The following UTRN variants were observed in gnomAD, a reference collection of about 807,000 sequenced individuals.
UTRN encodes the protein utrophin.
A neutral mutation model predicts 463.9 loss-of-function variants in UTRN; 283 were observed. The ratio of observed to expected loss-of-function variants is 0.61; its 90% CI spans 0.55 to 0.67. The LOEUF is 0.67. Ranked by LOEUF, UTRN falls within the 30% of genes least tolerant of loss-of-function variation. The pLI is 0.00. For missense variants in UTRN, 3,922 were observed against 4,084.3 expected, an observed-to-expected ratio of 0.96 and a Z score of 1.08; for synonymous variants, 1,442 against 1,431.5, an observed-to-expected ratio of 1.01 and a Z score of -0.17.
intron 61 of UTRN, among the ~76,000 whole-genome samples, chr6:144,786,433 G>A (rs997575050): frequency 1.3e-5 from 2 of 151,972 alleles, no homozygotes; most frequent in Non-Finnish European, 2.9e-5. Flanking sequence ...TTACAGGCAC[G>A]CGCCACCACG....
At chr6:144,459,493 C>G in intron 21 of UTRN, 139 bp downstream of exon 21, 2 of 889,678 alleles carry the variant, frequency 2.2e-6, no homozygotes, top group Non-Finnish European at 3.2e-6. Context: ...TGTTCAAAGT[C>G]TTAAAGTCTT....
rs1782468789 is a variant in UTRN, at chr6:144,851,333, A to C, written c.*336A>C. On this transcript the variant is annotated 3_prime_UTR_variant, in exon 75 of 75. Transcript: ENST00000367545. ...AAGTGGGTGGGGGCTTTCTAATATG[A>C]TACCGTCTTTTTAATAACTATGACA... 3.8e-6 allele frequency: 1 copy of C among 263,848 alleles called. No individual in the cohort carries two copies. The highest frequency in any genetic ancestry group is 4.9e-5 in the Admixed American group (1 of 20,610). The allele number at this position is 263,848 out of a possible 1,614,324, so 16.3% of individuals were successfully genotyped here.
At chr6:144,462,612 A>C in intron 22 of UTRN, 42 bp from the exon 23 acceptor site, 1 of 1,536,820 alleles carries the variant, frequency 6.5e-7, no homozygotes, top group Non-Finnish European at 8.8e-7. Context: ...CTGTGCAGAC[A>C]CATTTTTGTG....
At chr6:144,607,846 C>G (rs962115069) in intron 51 of UTRN, among the ~76,000 whole-genome samples, 4 of 152,154 alleles carry the variant, frequency 2.6e-5, no homozygotes, top group African/African-American at 9.7e-5. Context: ...ATGAAATAAC[C>G]TTGCTTTAGA....
intron 65 of UTRN, among the ~76,000 whole-genome samples, chr6:144,814,681 A>C (rs1418671355): frequency 1.3e-5 from 2 of 152,340 alleles, no homozygotes; most frequent in African/African-American, 4.8e-5. Flanking sequence ...GAATGGGAGG[A>C]AAATGGAAAA....
rs7742527 is a variant in UTRN, at chr6:144,503,521, G to C, written c.4764+4094G>C. 8.7e-3 allele frequency among the ~76,000 whole-genome samples: 1,329 copies of C among 152,178 alleles called. 18 individuals are homozygous for C. The highest frequency in any genetic ancestry group is 0.03 in the African/African-American group (1,262 of 41,518). ...TTAAATAGGGAATCCTTTCCCTATT[G>C]CTTGTTTTTGTCAGGTTTGTCAAAG... On this transcript the variant is annotated intron_variant, in intron 34 of 74. Coordinates refer to ENST00000367545, the MANE Select transcript of UTRN (RefSeq NM_007124.3).
At chr6:144,475,194 G>A (rs571174720) in intron 25 of UTRN, among the ~76,000 whole-genome samples, 1 of 152,330 alleles carries the variant, frequency 6.6e-6, no homozygotes, top group Non-Finnish European at 1.5e-5. Context: ...ATATCATGGA[G>A]GAGTAGCAAG....
intron 54 of UTRN, among the ~76,000 whole-genome samples, chr6:144,747,070 C>T (rs1450492262): frequency 6.6e-6 from 1 of 152,174 alleles, no homozygotes; most frequent in Non-Finnish European, 1.5e-5. Flanking sequence ...ATGAAAGTTA[C>T]AGTTTAGGAG....
At chr6:144,518,487 A>T (rs1488257140) in intron 39 of UTRN, among the ~76,000 whole-genome samples, 1 of 152,156 alleles carries the variant, frequency 6.6e-6, no homozygotes, top group Non-Finnish European at 1.5e-5. Context: ...CTGGGAACTT[A>T]TTAATTTTAT....
intron 58 of UTRN, among the ~76,000 whole-genome samples, chr6:144,761,766 AAATT>A (rs1440934846): frequency 2.6e-5 from 4 of 152,196 alleles, no homozygotes; most frequent in Non-Finnish European, 2.9e-5. Flanking sequence ...CTCTCATTGT[AAATT>A]TTTGGTTATG....
intron 23 of UTRN, among the ~76,000 whole-genome samples, chr6:144,471,180 A>T (rs146562184): frequency 1.3e-5 from 2 of 151,406 alleles, no homozygotes; most frequent in Non-Finnish European, 2.9e-5. Flanking sequence ...TGTGAATTGC[A>T]TGTGCCCTGA....
intron 50 of UTRN, among the ~76,000 whole-genome samples, chr6:144,568,685 A>G (rs1313671016): frequency 6.6e-6 from 1 of 152,196 alleles, no homozygotes; most frequent in African/African-American, 2.4e-5. Flanking sequence ...ATGAAGCTGA[A>G]TTTGAAACTA....
chr6:144,486,793 T>G (rs766095389), intron 28 of UTRN, among the ~76,000 whole-genome samples: 2 of 152,094 alleles, frequency 1.3e-5, no homozygotes, highest in African/African-American at 2.4e-5. Context: ...GTGCTAGGAT[T>G]AGAGGTGTGA....
intron 59 of UTRN, 29 bp downstream of exon 59, chr6:144,771,997 C>A: frequency 2.1e-6 from 1 of 473,514 alleles, no homozygotes; most frequent in Non-Finnish European, 3.8e-6. Flanking sequence ...AATAAATTAA[C>A]CTAAACAACT....
chr6:144,341,607 T>C (rs1468059096), intron 2 of UTRN, among the ~76,000 whole-genome samples: 1 of 152,216 alleles, frequency 6.6e-6, no homozygotes, highest in Admixed American at 6.5e-5. Flanking sequence ...TTAAATCACA[T>C]CTGGTCTAAC....
At chr6:144,617,197 G>C (rs1350670492) in intron 51 of UTRN, among the ~76,000 whole-genome samples, 1 of 152,108 alleles carries the variant, frequency 6.6e-6, no homozygotes, top group Non-Finnish European at 1.5e-5. Context: ...ATGATTTGAT[G>C]CCTCTTTTGG....
intron 2 of UTRN, among the ~76,000 whole-genome samples, chr6:144,382,100 G>C (rs145091137): frequency 7.0e-4 from 106 of 152,250 alleles, no homozygotes; most frequent in African/African-American, 2.5e-3. Context: ...TTTCTCTAAT[G>C]ATAGTGATGT....
At chr6:144,465,453 G>A (rs73599002) in intron 23 of UTRN, among the ~76,000 whole-genome samples, 1 of 152,280 alleles carries the variant, frequency 6.6e-6, no homozygotes, top group African/African-American at 2.4e-5. Flanking sequence ...AACATCAAGG[G>A]TGTGTGTCTG....
intron 69 of UTRN, among the ~76,000 whole-genome samples, chr6:144,835,499 C>T (rs1781025853): frequency 6.6e-6 from 1 of 151,990 alleles, no homozygotes; most frequent in Non-Finnish European, 1.5e-5. Flanking sequence ...AATGCTGTTC[C>T]TTATTTTTGT....
Sources: allele counts gnomAD v4.1 joint callset (sites outside exome capture counted in the v4.1 genomes callset), GRCh38; gene constraint gnomAD v4.1.1; transcripts MANE v1.5; gene names NCBI Gene and HGNC (gene_info 2026-07-23, HGNC 2026-07-21).